The following MAGI2 variants were observed in gnomAD, a reference collection of about 807,000 sequenced individuals.
MAGI2 encodes membrane associated guanylate kinase, WW and PDZ domain containing 2, also known as membrane-associated guanylate kinase, WW and PDZ domain-containing protein 2.
A neutral mutation model predicts 133.3 loss-of-function variants in MAGI2; 35 were observed. The observed-to-expected ratio is 0.26, with a 90% CI of 0.20 to 0.35. The LOEUF (loss-of-function observed/expected upper bound fraction) is 0.35, where lower values mean the gene tolerates loss of function less well. Among genes scored for constraint, MAGI2 ranks in the 10% least tolerant of loss-of-function variants. The pLI is 1.00. For missense variants in MAGI2, 1,636 were observed against 1,863.4 expected (o/e 0.88, Z 2.25); for synonymous variants, 729 against 710.6 (o/e 1.03, Z -0.41).
chr7:79,014,754 T>C (rs1236132606), intron 1 of MAGI2, among the ~76,000 whole-genome samples: 1 of 152,136 alleles, frequency 6.6e-6, no homozygotes, highest in African/African-American at 2.4e-5. Flanking sequence ...GGCTTCTACA[T>C]AAAACACTTA....
intron 21 of MAGI2, among the ~76,000 whole-genome samples, chr7:78,035,926 A>G (rs1810171389): frequency 6.6e-6 from 1 of 152,188 alleles, no homozygotes; most frequent in African/African-American, 2.4e-5. Flanking sequence ...CCAACAGTAA[A>G]TTTGTGTTAA....
At chr7:78,563,514 C>G (rs527801414) in intron 3 of MAGI2, among the ~76,000 whole-genome samples, 1 of 152,256 alleles carries the variant, frequency 6.6e-6, no homozygotes, top group Non-Finnish European at 1.5e-5. Flanking sequence ...AGACGAGAGC[C>G]ACTCAAGAGA....
chr7:78,759,924 G>C (rs906402915), intron 2 of MAGI2, among the ~76,000 whole-genome samples: 5 of 152,190 alleles, frequency 3.3e-5, no homozygotes, highest in Middle Eastern at 3.4e-3. Context: ...TCAGCACTTC[G>C]AGACCAGCCC....
chr7:79,315,582 A>G (rs978709354), intron 1 of MAGI2, among the ~76,000 whole-genome samples: 2 of 152,138 alleles, frequency 1.3e-5, no homozygotes, highest in Non-Finnish European at 2.9e-5. Flanking sequence ...TTACAAGTTC[A>G]AATGATATGA....
intron 9 of MAGI2, among the ~76,000 whole-genome samples, chr7:78,262,503 C>T (rs1383382550): frequency 2.0e-5 from 3 of 152,058 alleles, no homozygotes; most frequent in African/African-American, 7.2e-5. Flanking sequence ...CTTTAGTGCC[C>T]ACTCATAGAG....
chr7:78,238,031 A>T (rs1790734781), intron 10 of MAGI2, among the ~76,000 whole-genome samples: 1 of 152,172 alleles, frequency 6.6e-6, no homozygotes. Context: ...ACAACTGCTC[A>T]CACCTTCCAT....
chr7:78,041,802 A>G (rs764975444), intron 21 of MAGI2, among the ~76,000 whole-genome samples: 2 of 152,206 alleles, frequency 1.3e-5, no homozygotes, highest in Non-Finnish European at 2.9e-5. Flanking sequence ...CTGAGTGAAT[A>G]GTTCATTGAA....
At chr7:79,412,515 C>G (rs533154566) in intron 1 of MAGI2, 2 of 152,256 alleles carry the variant, frequency 1.3e-5, no homozygotes, top group African/African-American at 4.8e-5. Flanking sequence ...CCAAGCATCA[C>G]AGCAGAGACA....
intron 1 of MAGI2, among the ~76,000 whole-genome samples, chr7:79,087,327 G>T (rs1046441971): frequency 1.3e-4 from 20 of 151,798 alleles, no homozygotes; most frequent in African/African-American, 4.8e-4. Flanking sequence ...GATAAATATT[G>T]GATGAGTTCT....
At position 79,140,122 on chromosome 7, in the gene MAGI2, T is replaced by C. The variant is rs547477707; in HGVS notation, c.302-132916A>G. ...GATTTTGGCCAGGTCTTTAAATAGG[T>C]CATTTGATTTCCCCCAGGTTTTGAC... On this transcript the variant is annotated intron_variant, in intron 1 of 21. Coordinates refer to ENST00000354212, the MANE Select transcript of MAGI2 (RefSeq NM_012301.4). Among the ~76,000 whole-genome samples the C allele has an allele frequency of 2.0e-5, 3 of 152,242 alleles. No homozygotes were observed. In the East Asian group the frequency reaches 5.8e-4, roughly 29 times the overall value.
chr7:79,082,884 T>A (rs1275233607), intron 1 of MAGI2, among the ~76,000 whole-genome samples: 1 of 151,948 alleles, frequency 6.6e-6, no homozygotes, highest in Non-Finnish European at 1.5e-5. Flanking sequence ...TTTACTTTTT[T>A]TCAGCAATGT....
chr7:79,211,197 A>G (rs1027045230), intron 1 of MAGI2, among the ~76,000 whole-genome samples: 2 of 152,108 alleles, frequency 1.3e-5, no homozygotes, highest in African/African-American at 4.8e-5. Context: ...ATATATCTAT[A>G]TGTATATCTG....
chr7:78,363,173 C>T (rs949201416), intron 7 of MAGI2, among the ~76,000 whole-genome samples: 9 of 152,154 alleles, frequency 5.9e-5, no homozygotes, highest in African/African-American at 2.2e-4. Flanking sequence ...CTTTGGAAGC[C>T]ATTTTCTGCA....
intron 2 of MAGI2, among the ~76,000 whole-genome samples, chr7:78,753,705 T>C (rs888884804): frequency 6.6e-5 from 10 of 150,818 alleles, no homozygotes; most frequent in African/African-American, 2.2e-4. Flanking sequence ...TCCCACTGCT[T>C]CACTTAACTA....
At chr7:78,089,915 C>G (rs1007174130) in intron 20 of MAGI2, among the ~76,000 whole-genome samples, 1 of 152,220 alleles carries the variant, frequency 6.6e-6, no homozygotes, top group African/African-American at 2.4e-5. Context: ...AGAATCCAAA[C>G]TCCTTGACAT....
intron 6 of MAGI2, among the ~76,000 whole-genome samples, chr7:78,451,569 C>T (rs1788728698): frequency 1.3e-5 from 2 of 152,082 alleles, no homozygotes; most frequent in African/African-American, 4.8e-5. Context: ...GACATTGCCT[C>T]TTAAATAGCT....
chr7:78,767,407 G>A (rs1254707924), intron 2 of MAGI2, among the ~76,000 whole-genome samples: 3 of 151,670 alleles, frequency 2.0e-5, no homozygotes, highest in Non-Finnish European at 2.9e-5. Context: ...TGAGATCTTA[G>A]AAAGAGTGCC....
chr7:78,394,478 A>AC (rs1796166594), intron 6 of MAGI2, among the ~76,000 whole-genome samples: 1 of 151,944 alleles, frequency 6.6e-6, no homozygotes, highest in South Asian at 2.1e-4. Context: ...TTGCCTTGCA[A>AC]CCCTTTGACT....
At chr7:78,093,235 A>G (rs1022813377) in intron 20 of MAGI2, among the ~76,000 whole-genome samples, 4 of 151,310 alleles carry the variant, frequency 2.6e-5, no homozygotes, top group Non-Finnish European at 5.9e-5. Flanking sequence ...AAGTGGGCAG[A>G]TCATTTGAGG....
Sources: gnomAD v4.1 joint callset for allele counts (sites outside exome capture counted in the v4.1 genomes callset) on GRCh38, gnomAD v4.1.1 for gene constraint, MANE v1.5 for transcripts, NCBI Gene and HGNC (gene_info 2026-07-23, HGNC 2026-07-21) for gene names.